Variants in ACOT11 observed in about 807,000 individuals in gnomAD.
ACOT11 encodes acyl-CoA thioesterase 11, also known as acyl-coenzyme A thioesterase 11.
In ACOT11, 69 loss-of-function variants were observed where a neutral mutation model predicts 77.5. That is an observed-to-expected ratio of 0.89 (90% CI 0.73 to 1.09). ACOT11 has a LOEUF of 1.09. Among genes scored for constraint, ACOT11 ranks in the 50% least tolerant of loss-of-function variants. The pLI, the probability that ACOT11 is intolerant of heterozygous loss-of-function variation, is 0.00. For synonymous variants in ACOT11, 279 were observed against 313.0 expected, an observed-to-expected ratio of 0.89 and a Z score of 1.15; for missense variants, 766 against 813.7, an observed-to-expected ratio of 0.94 and a Z score of 0.71.
intron 1 of ACOT11, among the ~76,000 whole-genome samples, chr1:54,562,805 G>T (rs1414374292): frequency 3.1e-5 from 3 of 95,636 alleles, no homozygotes; most frequent in Non-Finnish European, 4.4e-5. Flanking sequence ...CATCTCAGAC[G>T]ATGGGCGGCC....
At chr1:54,603,722 G>T in intron 10 of ACOT11, 149 bp from the exon 11 acceptor site, 3 of 742,676 alleles carry the variant, frequency 4.0e-6, no homozygotes, top group Non-Finnish European at 4.7e-6. Context: ...GCTGTGTCCT[G>T]TGTGACCATC....
chr1:54,576,662 A>G (rs1654127809), intron 1 of ACOT11, among the ~76,000 whole-genome samples: 1 of 152,172 alleles, frequency 6.6e-6, no homozygotes, highest in South Asian at 2.1e-4. Flanking sequence ...CTATAGGGCA[A>G]GCCGGTTAAT....
At chr1:54,617,461 TAA>T (rs35936174) in intron 15 of ACOT11, among the ~76,000 whole-genome samples, 1,828 of 133,918 alleles carry the variant, frequency 0.014, 36 homozygotes, top group African/African-American at 0.043. Context: ...CACTTTCTGT[TAA>T]AAAAAAAAAA....
At chr1:54,638,834 TGAAG>T (rs1464410542) in exon 17 of ACOT11, 1 of 152,146 alleles carries the variant, frequency 6.6e-6, no homozygotes, top group Non-Finnish European at 1.5e-5. Context: ...ATTTGTTTCT[TGAAG>T]GAAGGTAGCA....
downstream of ACOT11, chr1:54,611,669 C>A (rs1440319692): frequency 6.2e-7 from 1 of 1,613,962 alleles, no homozygotes; most frequent in Non-Finnish European, 8.5e-7. Context: ...TGGTGGACAG[C>A]AGTGTTATCC....
intron 15 of ACOT11, among the ~76,000 whole-genome samples, chr1:54,617,923 C>T (rs1189786601): frequency 2.0e-5 from 3 of 151,758 alleles, no homozygotes; most frequent in Admixed American, 2.0e-4. Context: ...GATGCGGTTT[C>T]ACCATATCAG....
At chr1:54,577,700 TG>T (rs1235545046) in intron 1 of ACOT11, among the ~76,000 whole-genome samples, 1 of 152,208 alleles carries the variant, frequency 6.6e-6, no homozygotes, top group Non-Finnish European at 1.5e-5. Context: ...CTGGGTCATA[TG>T]GTATTTCTGT....
intron 15 of ACOT11, chr1:54,619,979 A>G (rs905624780): frequency 6.2e-7 from 1 of 1,614,130 alleles, no homozygotes; most frequent in Non-Finnish European, 8.5e-7. Flanking sequence ...GCATGTCGGC[A>G]TCAGGGCTGC....
chr1:54,553,770 C>T (rs1569632157), intron 1 of ACOT11, among the ~76,000 whole-genome samples: 1 of 152,162 alleles, frequency 6.6e-6, no homozygotes, highest in East Asian at 1.9e-4. Context: ...ACAACCCCTG[C>T]CTCTGATAAG....
exon 17 of ACOT11, chr1:54,635,664 G>T (rs532617693): frequency 4.2e-5 from 7 of 167,166 alleles, no homozygotes; most frequent in Non-Finnish European, 7.7e-5. Context: ...AAAACACTTG[G>T]AAGCTCTGTG....
intron 3 of ACOT11, among the ~76,000 whole-genome samples, chr1:54,589,610 A>G (rs1045891005): frequency 2.6e-5 from 4 of 152,054 alleles, no homozygotes; most frequent in Non-Finnish European, 5.9e-5. Flanking sequence ...AGCTGGGACT[A>G]CAGACATGTG....
Position 54,586,099 on chromosome 1 carries a change from T to C in ACOT11, c.311+195T>C, listed in dbSNP as rs555383295. On this transcript the variant is annotated intron_variant, in intron 3 of 15. Coordinates refer to ENST00000343744, the MANE Select transcript of ACOT11 (RefSeq NM_147161.4). ...TTCTGGGGGCTAGGAGTTGACCTGC[T>C]GTTCTGTGCAGTGGGTGGGTGGGTG... Among the ~76,000 whole-genome samples, 1,216 of 121,718 alleles carry C rather than the reference T, an allele frequency of 1.0e-2. 14 individuals carry two copies. Among genetic ancestry groups the C allele is most frequent in the African/African-American group, 0.036 (1,154 of 31,956 alleles). The allele number at this position is 121,718 out of a possible 152,430, so 79.9% of individuals were successfully genotyped here.
At chr1:54,548,425 A>G in intron 1 of ACOT11, 83 bp downstream of exon 1, 1 of 1,492,982 alleles carries the variant, frequency 6.7e-7, no homozygotes, top group Non-Finnish European at 9.1e-7. Flanking sequence ...TTTAACTCAG[A>G]CGCTCTGCAT....
chr1:54,605,425 G>T (rs1644013900), intron 13 of ACOT11, among the ~76,000 whole-genome samples: 1 of 152,172 alleles, frequency 6.6e-6, no homozygotes, highest in Non-Finnish European at 1.5e-5. Context: ...TTGAGTTGAA[G>T]TCCTGCTTCT....
intron 13 of ACOT11, among the ~76,000 whole-genome samples, chr1:54,606,619 A>G (rs72641104): frequency 0.051 from 7,781 of 152,228 alleles, 407 homozygotes; most frequent in South Asian, 0.23. Context: ...TTCCTCATCT[A>G]TGAGATAGGA....
chr1:54,573,559 C>G lies in ACOT11; in HGVS notation c.34-11096C>G, dbSNP rs192418745. On this transcript the variant is annotated intron_variant, in intron 1 of 15. Transcript: ENST00000343744. ...ATCACCCTGGCCAACATGGTGAAAC[C>G]CCATCTCTACTAAAAATACAAAAAG... Among the ~76,000 whole-genome samples the G allele has an allele frequency of 1.3e-3, 202 of 152,124 alleles. 1 individual carries two copies. The highest frequency in any genetic ancestry group is 4.5e-3 in the African/African-American group (185 of 41,482).
At chr1:54,633,014 G>A (rs1036007546) in intron 16 of ACOT11, among the ~76,000 whole-genome samples, 2 of 152,156 alleles carry the variant, frequency 1.3e-5, no homozygotes, top group African/African-American at 4.8e-5. Flanking sequence ...AGCATACAAT[G>A]CATGAAATGG....
chr1:54,627,177 C>G (rs1163232455), intron 15 of ACOT11, among the ~76,000 whole-genome samples: 2 of 135,108 alleles, frequency 1.5e-5, no homozygotes, highest in African/African-American at 5.0e-5. Flanking sequence ...TTCTTATGCC[C>G]CTTTTTCACA....
chr1:54,604,294 G>A, intron 11 of ACOT11, 52 bp from the exon 12 acceptor site: 1 of 1,565,278 alleles, frequency 6.4e-7, no homozygotes, highest in Non-Finnish European at 8.8e-7. Flanking sequence ...CTTGGCTCAG[G>A]GGCCCTGAAG....
Sources: gnomAD v4.1 joint callset for allele counts (sites outside exome capture counted in the v4.1 genomes callset) on GRCh38, gnomAD v4.1.1 for gene constraint, MANE v1.5 for transcripts, NCBI Gene and HGNC (gene_info 2026-07-23, HGNC 2026-07-21) for gene names.